Variants in AARS1 observed in about 807,000 individuals in gnomAD.
AARS1 encodes alanine--tRNA ligase, cytoplasmic.
AARS1 carries 72 observed loss-of-function variants against 108.9 expected under a neutral mutation model. The ratio of observed to expected loss-of-function variants is 0.66; its 90% CI spans 0.55 to 0.80. The LOEUF (loss-of-function observed/expected upper bound fraction) is 0.80. AARS1 is among the 30% of genes least tolerant of loss of function. The pLI is 0.00. For missense variants in AARS1, 1,193 were observed against 1,233.2 expected, an observed-to-expected ratio of 0.97 and a Z score of 0.49; for synonymous variants, 489 against 465.7, an observed-to-expected ratio of 1.05 and a Z score of -0.64.
chr16:70,279,143 A>G (rs1960626823), intron 2 of AARS1, among the ~76,000 whole-genome samples: 1 of 151,138 alleles, frequency 6.6e-6, no homozygotes, highest in Admixed American at 6.6e-5. Flanking sequence ...CAAGGTCAGG[A>G]GTTCGAGACC....
At chr16:70,259,479 G>A (rs2152154760) in intron 13 of AARS1, among the ~76,000 whole-genome samples, 2 of 152,190 alleles carry the variant, frequency 1.3e-5, no homozygotes, top group South Asian at 4.1e-4. Flanking sequence ...AATCTAGCCT[G>A]TCATCTGTCT....
intron 11 of AARS1, among the ~76,000 whole-genome samples, chr16:70,263,103 T>C (rs1476702655): frequency 6.6e-6 from 1 of 151,152 alleles, no homozygotes; most frequent in Non-Finnish European, 1.5e-5. Context: ...TTTCCTGGGA[T>C]GCAGGCTTCA....
intron 6 of AARS1, 47 bp from the exon 7 acceptor site, chr16:70,269,810 G>A: frequency 3.7e-6 from 6 of 1,612,018 alleles, no homozygotes; most frequent in Non-Finnish European, 4.2e-6. Flanking sequence ...CAGACTTTCT[G>A]GCGCTACCTT....
Position 70,289,506 on chromosome 16 carries a change from T to C in AARS1, c.-107A>G. 1 of 452,840 alleles carries C rather than the reference T, an allele frequency of 2.2e-6. No individual in the cohort carries two copies. The highest frequency in any genetic ancestry group is 4.4e-6 in the Non-Finnish European group (1 of 225,368). 28.1% of individuals were successfully genotyped at this position (452,840 alleles called of 1,614,324 possible). A position where few individuals can be genotyped will look rare whatever the true frequency, so the allele number is the denominator to read the frequency against. ...ACCTATTCCCGCAGACGCGCAGCTGTACCGGCCTCAGACCACGACCTACCA... is the reference window on the plus strand; with the variant it reads ...ACCTATTCCCGCAGACGCGCAGCTGCACCGGCCTCAGACCACGACCTACCA... On this transcript the variant is annotated 5_prime_UTR_variant, in exon 1 of 21. Coordinates refer to ENST00000261772, the MANE Select transcript of AARS1 (RefSeq NM_001605.3).
intron 18 of AARS1, 26 bp from the exon 19 acceptor site, chr16:70,253,826 A>T: frequency 6.2e-7 from 1 of 1,614,194 alleles, no homozygotes; most frequent in Non-Finnish European, 8.5e-7. Flanking sequence ...CCAGAACAGC[A>T]GCTCAGACCA....
At chr16:70,285,160 T>C (rs552664494) in intron 1 of AARS1, among the ~76,000 whole-genome samples, 17 of 149,994 alleles carry the variant, frequency 1.1e-4, no homozygotes, top group African/African-American at 3.5e-4. Context: ...ACCTGGGAAA[T>C]AGTGGTTGCA....
At position 70,267,661 on chromosome 16, in the gene AARS1, G is replaced by T. The variant is rs770557635; in HGVS notation, c.1220C>A (p.Pro407His). ...IQSLGDSKTI[P>H]GDTAWLLYDT... ...GAAGGGCAAAAACTGGTACCTACCG[G>T]GAATGGTCTTGCTGTCTCCCAGGCT... The change falls in exon 9 of 21, where the codon CCC becomes CAC. Residue 407 changes from proline (P) to histidine (H), a missense_variant and splice_region_variant. Coordinates refer to ENST00000261772, the MANE Select transcript of AARS1 (RefSeq NM_001605.3). The T allele has an allele frequency of 6.2e-7, 1 of 1,614,004 alleles. No individual in the cohort carries two copies. The highest frequency in any genetic ancestry group is 1.7e-5 in the Admixed American group (1 of 59,958).
chr16:70,262,995 A>AAAAAAAAAC lies in AARS1; in HGVS notation c.1493-472_1493-471insGTTTTTTTT, dbSNP rs1174659809. 2.3e-4 allele frequency among the ~76,000 whole-genome samples: 30 copies of AAAAAAAAAC among 128,778 alleles called. 1 individual carries two copies. Among genetic ancestry groups the AAAAAAAAAC allele is most frequent in the South Asian group, 4.3e-4 (2 of 4,618 alleles). 84.5% of individuals were successfully genotyped at this position (128,778 alleles called of 152,430 possible). A position where few individuals can be genotyped will look rare whatever the true frequency, so the allele number is the denominator to read the frequency against. The stretch of plus-strand genomic sequence containing the variant: ...AAAAAAAAAAAAAAAAAAAAAAAAA[A>AAAAAAAAAC]AAACAACAACAACAAAGGGCTTCGC... On this transcript the variant is annotated intron_variant, in intron 11 of 20. Coordinates refer to ENST00000261772, the MANE Select transcript of AARS1 (RefSeq NM_001605.3).
chr16:70,255,192 ACATTTTTTT>A (rs1256584801), intron 16 of AARS1, among the ~76,000 whole-genome samples: 2 of 124,942 alleles, frequency 1.6e-5, no homozygotes, highest in Non-Finnish European at 3.2e-5. Flanking sequence ...GGCCAGATTC[ACATTTTTTT>A]TTTTTTTTTT....
intron 10 of AARS1, 61 bp downstream of exon 10, chr16:70,265,477 C>T (rs761137396): frequency 1.7e-4 from 270 of 1,610,538 alleles, no homozygotes; most frequent in Non-Finnish European, 2.3e-4. Flanking sequence ...GCTCAGTCTG[C>T]AGCCAAGTGG....
At chr16:70,257,832 C>T (rs185362298) in intron 15 of AARS1, among the ~76,000 whole-genome samples, 1 of 152,116 alleles carries the variant, frequency 6.6e-6, no homozygotes, top group Non-Finnish European at 1.5e-5. Context: ...GGGAATGTTT[C>T]GTCAGGAAAT....
At chr16:70,279,651 ACT>A (rs1172148362) in intron 2 of AARS1, among the ~76,000 whole-genome samples, 25 of 133,058 alleles carry the variant, frequency 1.9e-4, no homozygotes, top group African/African-American at 6.0e-4. Context: ...CAAGAGCAAA[ACT>A]CTGTCTCAAA....
chr16:70,265,298 C>G (rs1597439498), intron 10 of AARS1, 196 bp from the exon 11 acceptor site: 2 of 909,450 alleles, frequency 2.2e-6, no homozygotes, highest in South Asian at 1.4e-5. Context: ...GAGGGGCACC[C>G]TGGCCTCTAC....
At position 70,252,484 on chromosome 16, in the gene AARS1, G is replaced by C; in HGVS notation, c.*237C>G. ...CTGGAGAGCCGTTATCTATAGATGC[G>C]AGCGTGACGATCAACAGCAATGCGG... On this transcript the variant is annotated 3_prime_UTR_variant, in exon 21 of 21. Transcript: ENST00000261772. 1 of 574,308 alleles carries C rather than the reference G, an allele frequency of 1.7e-6. No individual in the cohort carries two copies. Among genetic ancestry groups the C allele is most frequent in the Non-Finnish European group, 3.1e-6 (1 of 320,574 alleles). 35.6% of individuals were successfully genotyped at this position (574,308 alleles called of 1,614,324 possible).
chr16:70,271,039 C>G (rs1477520702), intron 5 of AARS1, among the ~76,000 whole-genome samples: 1 of 151,584 alleles, frequency 6.6e-6, no homozygotes, highest in Non-Finnish European at 1.5e-5. Flanking sequence ...GTAACCCTAG[C>G]TACTCAGGAG....
chr16:70,258,101 C>G lies in AARS1; in HGVS notation c.2109G>C (p.Val703=), dbSNP rs777499923. 9.9e-6 allele frequency: 16 copies of G among 1,613,998 alleles called. No homozygotes were observed. The East Asian group carries it at 1.6e-4, about 16-fold the overall frequency. ...CAGAGGGGTCATCCAGCAACTCGGA[C>G]ACCGGGACCCCAATGGAGACGACTC... The part of the protein sequence containing the change: ...PVRVVSIGVP[V]SELLDDPSGP... The change falls in exon 15 of 21, where the codon GTG becomes GTC. Residue 703 remains valine, a synonymous_variant. Transcript: ENST00000261772.
At position 70,252,849 on chromosome 16, in the gene AARS1, T is replaced by A. The variant is rs1959875487; in HGVS notation, c.2779A>T (p.Met927Leu). 6.2e-7 allele frequency: 1 copy of A among 1,614,208 alleles called. No homozygotes were observed. Among genetic ancestry groups the A allele is most frequent in the Non-Finnish European group, 8.5e-7 (1 of 1,180,024 alleles). The change falls in exon 21 of 21, where the codon ATG becomes TTG. Residue 927 changes from methionine (M) to leucine (L), a missense_variant. By Grantham distance (15) the Met-to-Leu change is conservative. Transcript: ENST00000261772. ...SEWVQQVSGL[M>L]DGKGGGKDVS... ...TCCTTGCCACCACCTTTACCGTCCA[T>A]CAAGCCTGACACCTGCTGCACCCAC...
At chr16:70,263,584 A>C (rs1960196564) in intron 11 of AARS1, among the ~76,000 whole-genome samples, 3 of 151,948 alleles carry the variant, frequency 2.0e-5, no homozygotes, top group Non-Finnish European at 4.4e-5. Context: ...AAAAAAAAAA[A>C]GATTGTTCTC....
rs1354179473 is a variant in AARS1, at chr16:70,253,995, A to C, written c.2444T>G (p.Leu815Trp). The C allele has an allele frequency of 6.2e-7, 1 of 1,613,940 alleles. No homozygotes were observed. The highest frequency in any genetic ancestry group is 8.5e-7 in the Non-Finnish European group (1 of 1,180,020). The change falls in exon 18 of 21, where the codon TTG becomes TGG. Residue 815 changes from leucine (L) to tryptophan (W), a missense_variant. Coordinates refer to ENST00000261772, the MANE Select transcript of AARS1 (RefSeq NM_001605.3). ...AVIPQWQKDELRETLKSLKKV... is the reference protein window; with the variant it reads ...AVIPQWQKDEWRETLKSLKKV... ...CTTTAGGGATTTGAGAGTCTCCCGC[A>C]ATTCATCCTTCTGCCACTGGGGGAT... is the stretch of plus-strand genomic sequence containing the variant.
Sources: gnomAD v4.1 joint callset for allele counts (sites outside exome capture counted in the v4.1 genomes callset) on GRCh38, gnomAD v4.1.1 for gene constraint, MANE v1.5 for transcripts, NCBI Gene and HGNC (gene_info 2026-07-23, HGNC 2026-07-21) for gene names.